Variants in DPP10 observed in about 807,000 individuals in gnomAD.
DPP10 encodes the protein dipeptidyl peptidase like 10, also known as inactive dipeptidyl peptidase 10.
In DPP10, 33 loss-of-function variants were observed where a neutral mutation model predicts 120.9. The observed-to-expected ratio is 0.27, with a 90% confidence interval of 0.21 to 0.37. DPP10 has a LOEUF of 0.37. DPP10 is among the 10% of genes least tolerant of loss of function. The pLI is 1.00. For synonymous variants in DPP10, 337 were observed against 326.1 expected (o/e 1.03, Z -0.36); for missense variants, 816 against 942.8 (o/e 0.87, Z 1.76).
At chr2:115,362,516 A>G (rs554153304) in intron 3 of DPP10, among the ~76,000 whole-genome samples, 82 of 152,288 alleles carry the variant, frequency 5.4e-4, no homozygotes, top group Non-Finnish European at 6.5e-4. Context: ...CTGGCAGGTG[A>G]CGTTTTCCAA....
At chr2:114,986,194 C>T (rs1282628837) in intron 1 of DPP10, among the ~76,000 whole-genome samples, 4 of 152,178 alleles carry the variant, frequency 2.6e-5, no homozygotes, top group Middle Eastern at 3.4e-3. Flanking sequence ...CTAATAATTG[C>T]CATATTTATT....
chr2:115,452,206 T>C (rs1213588477), intron 3 of DPP10, among the ~76,000 whole-genome samples: 1 of 152,002 alleles, frequency 6.6e-6, no homozygotes, highest in Non-Finnish European at 1.5e-5. Context: ...ATGAGACTTC[T>C]GTTGGCCTAC....
chr2:114,895,069 A>C (rs1404676127), intron 1 of DPP10, among the ~76,000 whole-genome samples: 1 of 152,170 alleles, frequency 6.6e-6, no homozygotes. Flanking sequence ...CTTCCTATAT[A>C]GTTGTTGAGA....
intron 1 of DPP10, among the ~76,000 whole-genome samples, chr2:114,473,865 A>T (rs987931059): frequency 6.6e-6 from 1 of 152,076 alleles, no homozygotes; most frequent in Non-Finnish European, 1.5e-5. Context: ...TTATACTTAC[A>T]TACATACATA....
chr2:115,367,535 AC>A (rs1320814489), intron 3 of DPP10, among the ~76,000 whole-genome samples: 2 of 151,916 alleles, frequency 1.3e-5, no homozygotes, highest in Non-Finnish European at 2.9e-5. Context: ...TTACTTTTTT[AC>A]GTTTTAAAGC....
chr2:115,362,313 G>T (rs1028311901), intron 3 of DPP10, among the ~76,000 whole-genome samples: 9 of 152,032 alleles, frequency 5.9e-5, no homozygotes, highest in African/African-American at 2.2e-4. Context: ...ACCATGCTCT[G>T]CATTTTTAGT....
At chr2:115,140,196 T>C (rs1424474407) in intron 1 of DPP10, among the ~76,000 whole-genome samples, 4 of 152,152 alleles carry the variant, frequency 2.6e-5, no homozygotes, top group Non-Finnish European at 5.9e-5. Context: ...TTAGAGAAGG[T>C]GATCAGGAAA....
chr2:115,047,210 C>T (rs1054540861), intron 1 of DPP10, among the ~76,000 whole-genome samples: 1 of 152,044 alleles, frequency 6.6e-6, no homozygotes, highest in Non-Finnish European at 1.5e-5. Context: ...AAATAGACAA[C>T]TCATGCTGAG....
intron 1 of DPP10, among the ~76,000 whole-genome samples, chr2:114,741,883 C>T (rs928390706): frequency 3.9e-5 from 6 of 152,114 alleles, no homozygotes; most frequent in African/African-American, 1.2e-4. Flanking sequence ...ATGTAGATAA[C>T]TTGATTTTAA....
chr2:115,673,984 G>A (rs2090090831), intron 5 of DPP10, among the ~76,000 whole-genome samples: 1 of 152,152 alleles, frequency 6.6e-6, no homozygotes, highest in African/African-American at 2.4e-5. Flanking sequence ...GACCAAGGCG[G>A]GTGGATCACC....
chr2:115,629,260 G>A (rs1248421890), intron 5 of DPP10, among the ~76,000 whole-genome samples: 1 of 152,122 alleles, frequency 6.6e-6, no homozygotes, highest in Admixed American at 6.5e-5. Context: ...ATTGCGAATA[G>A]TGCTGCAATA....
chr2:114,512,717 G>A (rs189765948), intron 1 of DPP10, among the ~76,000 whole-genome samples: 16 of 152,212 alleles, frequency 1.1e-4, no homozygotes, highest in Middle Eastern at 3.4e-3. Context: ...GTACTAATTC[G>A]TCATCACCAA....
chr2:114,570,595 G>C (rs541007193), intron 1 of DPP10, among the ~76,000 whole-genome samples: 1 of 152,098 alleles, frequency 6.6e-6, no homozygotes, highest in Non-Finnish European at 1.5e-5. Context: ...GGAGGCCAAG[G>C]CAGGTGGATC....
At chr2:114,529,216 T>G (rs1327159501) in intron 1 of DPP10, among the ~76,000 whole-genome samples, 1 of 152,168 alleles carries the variant, frequency 6.6e-6, no homozygotes, top group African/African-American at 2.4e-5. Flanking sequence ...CTCCTGAATT[T>G]TGCTCATATC....
intron 1 of DPP10, among the ~76,000 whole-genome samples, chr2:114,562,323 T>A (rs965421067): frequency 2.0e-5 from 3 of 152,232 alleles, no homozygotes; most frequent in Non-Finnish European, 2.9e-5. Flanking sequence ...TCTGAAAGTA[T>A]CTTCCTCCCA....
intron 3 of DPP10, among the ~76,000 whole-genome samples, chr2:115,345,307 A>T (rs2063656543): frequency 1.3e-5 from 2 of 152,120 alleles, no homozygotes; most frequent in African/African-American, 4.8e-5. Context: ...TTGTACTGTG[A>T]TTATTTCACA....
intron 5 of DPP10, among the ~76,000 whole-genome samples, chr2:115,604,411 T>C (rs1292083373): frequency 6.6e-6 from 1 of 152,214 alleles, no homozygotes; most frequent in Non-Finnish European, 1.5e-5. Context: ...ACTGTAATTC[T>C]CATATCTGTT....
chr2:115,505,487 C>T (rs577165318), intron 4 of DPP10, among the ~76,000 whole-genome samples: 112 of 152,096 alleles, frequency 7.4e-4, no homozygotes, highest in African/African-American at 2.6e-3. Flanking sequence ...ATGCTGGAAA[C>T]CAACAGGCAG....
chr2:115,842,460 T>C lies in DPP10; in HGVS notation c.*115T>C. 1 of 1,263,822 alleles carries C rather than the reference T, an allele frequency of 7.9e-7. No homozygotes were observed. The allele number at this position is 1,263,822 out of a possible 1,614,324, so 78.3% of individuals were successfully genotyped here. The stretch of plus-strand genomic sequence containing the variant: ...CAAGGGCAGCTTACGGAGATGTCAC[T>C]GGAGCAGCACGCTCAGAGACAGTGA... On this transcript the variant is annotated 3_prime_UTR_variant, in exon 26 of 26. Coordinates refer to ENST00000410059, the MANE Select transcript of DPP10 (RefSeq NM_020868.6).
Sources: allele counts gnomAD v4.1 joint callset (sites outside exome capture counted in the v4.1 genomes callset), GRCh38; gene constraint gnomAD v4.1.1; transcripts MANE v1.5; gene names NCBI Gene and HGNC (gene_info 2026-07-23, HGNC 2026-07-21).